The following AQP7B variants were observed in gnomAD, a reference collection of about 807,000 sequenced individuals.
The protein encoded by AQP7B is aquaporin 7B.
the AQP7B span, among the ~76,000 whole-genome samples, chr2:94,598,481 G>T: frequency 1.1e-4 from 17 of 152,132 alleles, no homozygotes; most frequent in Non-Finnish European, 2.1e-4. Flanking sequence ...CGTGAGACAC[G>T]GGGCAAGGGT....
the AQP7B span, among the ~76,000 whole-genome samples, chr2:94,598,448 G>C: frequency 1.3e-5 from 2 of 152,248 alleles, no homozygotes; most frequent in South Asian, 4.1e-4. Context: ...GAGCCATCCG[G>C]GCCCTGGAAA....
the AQP7B span, chr2:94,603,275 A>G: frequency 7.1e-7 from 1 of 1,400,932 alleles, no homozygotes; most frequent in East Asian, 2.4e-5. Flanking sequence ...AATAGCTGGG[A>G]GAAAAAAGCC....
chr2:94,604,355 A>T, the AQP7B span: 6 of 1,611,384 alleles, frequency 3.7e-6, no homozygotes, highest in East Asian at 6.7e-5. Flanking sequence ...AGGTGGCATC[A>T]TCTACCTGGT....
At chr2:94,589,370 C>A in the AQP7B span, among the ~76,000 whole-genome samples, 1 of 151,958 alleles carries the variant, frequency 6.6e-6, no homozygotes, top group African/African-American at 2.4e-5. Flanking sequence ...CTATTCCCTC[C>A]ATCTGAGAGG....
chr2:94,595,456 AAAAG>A, the AQP7B span, among the ~76,000 whole-genome samples: 14 of 152,074 alleles, frequency 9.2e-5, no homozygotes, highest in Non-Finnish European at 1.3e-4. Flanking sequence ...AAAAGAAAAA[AAAAG>A]AGAGAGAGAT....
chr2:94,600,275 C>A, the AQP7B span, among the ~76,000 whole-genome samples: 1 of 152,152 alleles, frequency 6.6e-6, no homozygotes, highest in East Asian at 1.9e-4. Flanking sequence ...TTTATCAACT[C>A]TAGAACAGAG....
chr2:94,587,562 G>A, the AQP7B span, among the ~76,000 whole-genome samples: 1 of 152,158 alleles, frequency 6.6e-6, no homozygotes, highest in Non-Finnish European at 1.5e-5. Context: ...CGGCTTTCTT[G>A]TTATGGTGCA....
At chr2:94,602,946 T>C in the AQP7B span, 15 of 1,397,296 alleles carry the variant, frequency 1.1e-5, no homozygotes, top group Non-Finnish European at 1.4e-5. Flanking sequence ...GAGCATGCTG[T>C]CATACACACT....
the AQP7B span, among the ~76,000 whole-genome samples, chr2:94,594,315 C>A: frequency 6.6e-6 from 1 of 152,338 alleles, no homozygotes; most frequent in African/African-American, 2.4e-5. Context: ...CAGGCCCTGG[C>A]CTGTGACCCC....
chr2:94,591,201 T>C, the AQP7B span, among the ~76,000 whole-genome samples: 1 of 152,060 alleles, frequency 6.6e-6, no homozygotes, highest in Non-Finnish European at 1.5e-5. Flanking sequence ...TGAGACCACA[T>C]GACCAGCTGC....
At chr2:94,603,222 TG>T in the AQP7B span, 1 of 1,439,260 alleles carries the variant, frequency 6.9e-7, no homozygotes, top group Middle Eastern at 2.0e-4. Context: ...CCGCCTCCTA[TG>T]AAATATGGGC....
At chr2:94,595,096 T>A in the AQP7B span, among the ~76,000 whole-genome samples, 1 of 152,048 alleles carries the variant, frequency 6.6e-6, no homozygotes, top group Non-Finnish European at 1.5e-5. Context: ...CACTGGGGTA[T>A]CCGGGGCACG....
the AQP7B span, among the ~76,000 whole-genome samples, chr2:94,591,884 C>T: frequency 2.0e-5 from 3 of 152,170 alleles, no homozygotes; most frequent in Non-Finnish European, 4.4e-5. Flanking sequence ...CCCCACAGTG[C>T]CCACTCTTTC....
chr2:94,600,551 G>A, the AQP7B span, among the ~76,000 whole-genome samples: 7 of 152,186 alleles, frequency 4.6e-5, no homozygotes, highest in East Asian at 1.4e-3. Flanking sequence ...GGGCAACATA[G>A]TGAAACCTCA....
chr2:94,603,220 T>C, the AQP7B span: 3 of 1,437,508 alleles, frequency 2.1e-6, no homozygotes, highest in Admixed American at 2.0e-5. Context: ...AGCCGCCTCC[T>C]ATGAAATATG....
the AQP7B span, among the ~76,000 whole-genome samples, chr2:94,596,740 C>T: frequency 5.3e-5 from 8 of 152,160 alleles, no homozygotes; most frequent in Non-Finnish European, 1.0e-4. Flanking sequence ...CACTCTGTCT[C>T]CTAGGATGGA....
the AQP7B span, among the ~76,000 whole-genome samples, chr2:94,597,095 T>C: frequency 6.6e-6 from 1 of 152,162 alleles, no homozygotes. Flanking sequence ...GCTCCCTTGT[T>C]ATTAGGACGG....
At chr2:94,599,622 C>A in the AQP7B span, among the ~76,000 whole-genome samples, 1 of 152,140 alleles carries the variant, frequency 6.6e-6, no homozygotes. Flanking sequence ...AGGACCCCTC[C>A]ACTTCTGCAC....
the AQP7B span, among the ~76,000 whole-genome samples, chr2:94,602,340 G>A: frequency 1.3e-5 from 2 of 151,908 alleles, no homozygotes; most frequent in Non-Finnish European, 2.9e-5. Flanking sequence ...GAGGAGGGAA[G>A]GCTCTGGAGG....
Sources: gnomAD v4.1 joint callset for allele counts (sites outside exome capture counted in the v4.1 genomes callset) on GRCh38, gnomAD v4.1.1 for gene constraint, MANE v1.5 for transcripts, NCBI Gene and HGNC (gene_info 2026-07-23, HGNC 2026-07-21) for gene names.